PTPN1: variants seen among roughly 807,000 people sequenced by gnomAD.
PTPN1 encodes the protein tyrosine-protein phosphatase non-receptor type 1.
In PTPN1, 12 loss-of-function variants were observed where a neutral mutation model predicts 59.9. That is an observed-to-expected ratio of 0.20 (90% CI 0.13 to 0.32). The LOEUF (loss-of-function observed/expected upper bound fraction) is 0.32, where lower values mean the gene tolerates loss of function less well. Ranked by LOEUF, PTPN1 falls within the 10% of genes least tolerant of loss-of-function variation. PTPN1 has a pLI of 1.00. For missense variants in PTPN1, 356 were observed against 549.2 expected, an observed-to-expected ratio of 0.65 and a Z score of 3.52; for synonymous variants, 178 against 203.6, an observed-to-expected ratio of 0.87 and a Z score of 1.07.
At chr20:50,533,285 A>G (rs2082609348) in intron 1 of PTPN1, among the ~76,000 whole-genome samples, 1 of 152,180 alleles carries the variant, frequency 6.6e-6, no homozygotes, top group Non-Finnish European at 1.5e-5. Flanking sequence ...AGAAAATAAC[A>G]GCCTCTAGAG....
rs2082791103 is a variant in PTPN1, at chr20:50,568,703, G to GC, written c.354+230dup. Among the ~76,000 whole-genome samples, 4 of 152,186 alleles carry GC rather than the reference G, an allele frequency of 2.6e-5. No individual in the cohort carries two copies. Among genetic ancestry groups the GC allele is most frequent in the Admixed American group, 2.6e-4 (4 of 15,288 alleles). On this transcript the variant is annotated intron_variant, in intron 4 of 9. Transcript: ENST00000371621. The surrounding 1 kb of genome is among the most constrained non-coding windows in gnomAD (Gnocchi z 5.6). Reference sequence around the variant, plus strand: ...GCGGAAGAACTGCACGGACCTCTTCGCCCCCGCCTTCTCCTGTGTGGTGCG... The same window carrying GC: ...GCGGAAGAACTGCACGGACCTCTTCGCCCCCCGCCTTCTCCTGTGTGGTGCG...
intron 1 of PTPN1, among the ~76,000 whole-genome samples, chr20:50,531,220 C>T (rs1464500502): frequency 6.6e-6 from 1 of 152,208 alleles, no homozygotes; most frequent in East Asian, 1.9e-4. Context: ...CATTCTGCTT[C>T]TCTCGTTTAG....
Position 50,582,757 on chromosome 20 carries a change from T to A in PTPN1, c.*42T>A, listed in dbSNP as rs756495068. ...TCCACCTCCACCCACTGTCCGCCTC[T>A]GCCCGCAGAGCCCACGCCCGACTAG... On this transcript the variant is annotated 3_prime_UTR_variant, in exon 10 of 10. Coordinates refer to ENST00000371621, the MANE Select transcript of PTPN1 (RefSeq NM_002827.4). This position sits in a 1 kb window ranked among gnomAD's most constrained non-coding sequence, Gnocchi z 4.2. 7 of 1,611,968 alleles carry A rather than the reference T, an allele frequency of 4.3e-6. No homozygotes were observed. Among genetic ancestry groups the A allele is most frequent in the Middle Eastern group, 1.7e-4 (1 of 6,038 alleles).
At chr20:50,558,884 G>T (rs2082737696) in intron 1 of PTPN1, among the ~76,000 whole-genome samples, 1 of 151,600 alleles carries the variant, frequency 6.6e-6, no homozygotes, top group African/African-American at 2.4e-5. Context: ...CTTCACTCTT[G>T]GTCTTCCTCT....
rs749433251 is a variant in PTPN1 at position 50,579,743 on chromosome 20, C to A, written c.905C>A (p.Pro302Gln). The change falls in exon 8 of 10, where the codon CCA (proline) becomes CAA (glutamine). Residue 302 changes from proline (P) to glutamine (Q), a missense_variant. Physicochemically the swap from Pro to Gln is moderately conservative, Grantham distance 76 (BLOSUM62 -1). Around this residue, in one of 3 missense-constraint regions of PTPN1, gnomAD observed 100 missense variants for 107.7 expected, o/e 0.93. Coordinates refer to ENST00000371621, the MANE Select transcript of PTPN1 (RefSeq NM_002827.4). ...KELSHEDLEP[P>Q]PEHIPPPPRP... ...CTTTCCCACGAGGACCTGGAGCCCC[C>A]ACCCGAGCATATCCCCCCACCTCCC... 57 of 1,613,098 alleles carry A rather than the reference C, an allele frequency of 3.5e-5. No homozygotes were observed. The highest frequency in any genetic ancestry group is 4.8e-5 in the Non-Finnish European group (57 of 1,179,924).
In PTPN1 at chr20:50,582,650, G is replaced by C; in HGVS notation, c.1285-42G>C. The C allele has an allele frequency of 6.2e-7, 1 of 1,610,500 alleles. No individual in the cohort carries two copies. The highest frequency in any genetic ancestry group is 1.1e-5 in the South Asian group (1 of 90,212). On this transcript the variant is annotated intron_variant, in intron 9 of 9. Transcript: ENST00000371621. This position sits in a 1 kb window ranked among gnomAD's most constrained non-coding sequence, Gnocchi z 4.2. ...CATGCATGAGGCGACAGCTCTGCAG[G>C]TGCGGGTCTGGGCTCATCTGAACTG...
At chr20:50,523,651 C>G (rs1397979136) in intron 1 of PTPN1, among the ~76,000 whole-genome samples, 1 of 152,194 alleles carries the variant, frequency 6.6e-6, no homozygotes, top group Non-Finnish European at 1.5e-5. Context: ...GGAAGACAAA[C>G]TTGGTCCCTG....
chr20:50,565,530 A>G (rs1009906709), intron 3 of PTPN1, among the ~76,000 whole-genome samples: 5 of 152,240 alleles, frequency 3.3e-5, no homozygotes, highest in African/African-American at 4.8e-5. Flanking sequence ...GCATCATTGG[A>G]TCATGTGAAC....
chr20:50,521,962 AC>A (rs1298564598), intron 1 of PTPN1, among the ~76,000 whole-genome samples: 5 of 152,100 alleles, frequency 3.3e-5, no homozygotes, highest in African/African-American at 1.2e-4. Context: ...TGAGTTTGCA[AC>A]CCCTACCCCA....
At chr20:50,574,484 C>T in intron 4 of PTPN1, 33 bp from the exon 5 acceptor site, 1 of 1,557,640 alleles carries the variant, frequency 6.4e-7, no homozygotes, top group African/African-American at 1.4e-5. Context: ...TGCCATATTG[C>T]TCACAATAAT....
At chr20:50,532,763 G>T (rs1238700937) in intron 1 of PTPN1, among the ~76,000 whole-genome samples, 1 of 152,032 alleles carries the variant, frequency 6.6e-6, no homozygotes, top group Non-Finnish European at 1.5e-5. Context: ...TGTGTTCATA[G>T]ATCCCTTTTC....
chr20:50,580,220 C>A (rs718051), intron 8 of PTPN1, among the ~76,000 whole-genome samples: 1 of 150,832 alleles, frequency 6.6e-6, no homozygotes, highest in Admixed American at 6.6e-5. Context: ...TTTTCTGCCC[C>A]CCCTGACGAC....
At chr20:50,546,862 C>T (rs1601400510) in intron 1 of PTPN1, among the ~76,000 whole-genome samples, 1 of 152,198 alleles carries the variant, frequency 6.6e-6, no homozygotes, top group African/African-American at 2.4e-5. Flanking sequence ...AGATGTCTGC[C>T]AACTACATGT....
At chr20:50,565,096 T>TTAA in intron 3 of PTPN1, 27 bp downstream of exon 3, 1 of 1,598,832 alleles carries the variant, frequency 6.3e-7, no homozygotes, top group Non-Finnish European at 8.5e-7. Context: ...AATTTTCTAT[T>TTAA]TAATGTCAAT....
At position 50,582,523 on chromosome 20, in the gene PTPN1, C is replaced by T. The variant is rs1327023330; in HGVS notation, c.1285-169C>T. On this transcript the variant is annotated intron_variant, in intron 9 of 9. Transcript: ENST00000371621. The surrounding 1 kb of genome is among the most constrained non-coding windows in gnomAD (Gnocchi z 4.2). ...TTTGCAAAATGCAAACAATTTTTTC[C>T]TTGGGGATGATTTTTGGGGAGAGGG... Among the ~76,000 whole-genome samples the T allele has an allele frequency of 6.6e-6, 1 of 152,094 alleles. No individual in the cohort carries two copies. The highest frequency in any genetic ancestry group is 1.5e-5 in the Non-Finnish European group (1 of 67,994).
intron 1 of PTPN1, among the ~76,000 whole-genome samples, chr20:50,550,743 A>C (rs1031700606): frequency 3.3e-5 from 5 of 150,990 alleles, no homozygotes; most frequent in Non-Finnish European, 7.4e-5. Flanking sequence ...AGGAGGGGAC[A>C]CTAAGATGAG....
chr20:50,543,696 G>GA (rs1377063198), intron 1 of PTPN1, among the ~76,000 whole-genome samples: 1 of 152,128 alleles, frequency 6.6e-6, no homozygotes, highest in Non-Finnish European at 1.5e-5. Context: ...ATGGTAGAAG[G>GA]AAAATAGACT....
rs1390037600 is a variant in PTPN1, at chr20:50,534,661, A to C, written c.63+24071A>C. On this transcript the variant is annotated intron_variant, in intron 1 of 9. Transcript: ENST00000371621. ...CTTAGTTACTCTAACTCAAAACCTA[A>C]AGTAATCTTCAACTCTAATTTACTC... Among the ~76,000 whole-genome samples, 5 of 152,158 alleles carry C rather than the reference A, an allele frequency of 3.3e-5. No individual in the cohort carries two copies. The South Asian group carries it at 8.3e-4, about 25-fold the overall frequency.
At chr20:50,571,555 T>A (rs938017348) in intron 4 of PTPN1, 1 of 152,254 alleles carries the variant, frequency 6.6e-6, no homozygotes, top group African/African-American at 2.4e-5. Context: ...TTGGGGAGTT[T>A]TCATTTAATG....
Sources: allele counts gnomAD v4.1 joint callset (sites outside exome capture counted in the v4.1 genomes callset), GRCh38; gene constraint gnomAD v4.1.1; regional missense constraint gnomAD v4.1.1; non-coding constraint Gnocchi (gnomAD v3.1); transcripts MANE v1.5; gene names NCBI Gene and HGNC (gene_info 2026-07-23, HGNC 2026-07-21).